The following ZSCAN25 variants were observed in gnomAD, a reference collection of about 807,000 sequenced individuals.
ZSCAN25 encodes zinc finger and SCAN domain-containing protein 25.
ZSCAN25 carries 27 observed loss-of-function variants against 38.7 expected under a neutral mutation model. The ratio of observed to expected loss-of-function variants is 0.70; its 90% CI spans 0.51 to 0.96. The LOEUF (loss-of-function observed/expected upper bound fraction) is 0.96. Ranked by LOEUF, ZSCAN25 falls within the 40% of genes least tolerant of loss-of-function variation. ZSCAN25 has a pLI of 0.00. For synonymous variants in ZSCAN25, 273 were observed against 277.7 expected (o/e 0.98, Z 0.17); for missense variants, 637 against 705.9 (o/e 0.90, Z 1.11).
the ZSCAN25 span, chr7:99,676,142 C>A: frequency 4.3e-6 from 7 of 1,613,670 alleles, no homozygotes; most frequent in East Asian, 2.2e-5. Context: ...CATTTCCCAA[C>A]AAAGGCAGAG....
the ZSCAN25 span, among the ~76,000 whole-genome samples, chr7:99,713,960 C>T: frequency 6.6e-6 from 1 of 152,192 alleles, no homozygotes; most frequent in Non-Finnish European, 1.5e-5. Context: ...GTTACCCCTT[C>T]TTGCCCCCCT....
chr7:99,634,234 A>G (rs543585691), downstream of ZSCAN25, among the ~76,000 whole-genome samples: 1 of 152,348 alleles, frequency 6.6e-6, no homozygotes, highest in South Asian at 2.1e-4. Context: ...TATTTCATCA[A>G]GAAAGTTTGG....
At chr7:99,624,454 T>C in intron 7 of ZSCAN25, 1 of 440,380 alleles carries the variant, frequency 2.3e-6, no homozygotes, top group Non-Finnish European at 4.2e-6. Flanking sequence ...TGTCCATGAT[T>C]AAAGACACTG....
chr7:99,735,003 G>A, the ZSCAN25 span: 1 of 1,613,822 alleles, frequency 6.2e-7, no homozygotes, highest in Non-Finnish European at 8.5e-7. Context: ...CAGAGAAGAG[G>A]AGCCTGAACA....
chr7:99,733,071 G>A, the ZSCAN25 span, among the ~76,000 whole-genome samples: 1 of 152,176 alleles, frequency 6.6e-6, no homozygotes, highest in Admixed American at 6.5e-5. Flanking sequence ...GCATAGCCAG[G>A]CCCAATAGTG....
At chr7:99,705,309 A>C in the ZSCAN25 span, 1 of 625,578 alleles carries the variant, frequency 1.6e-6, no homozygotes, top group East Asian at 3.3e-5. Flanking sequence ...CATCTCCTCT[A>C]TATTACCAAG....
chr7:99,712,650 T>TGATA, the ZSCAN25 span, among the ~76,000 whole-genome samples: 1 of 152,110 alleles, frequency 6.6e-6, no homozygotes, highest in African/African-American at 2.4e-5. Context: ...GATGGACAGA[T>TGATA]GATAGATAGA....
the ZSCAN25 span, among the ~76,000 whole-genome samples, chr7:99,667,400 G>A: frequency 6.6e-6 from 1 of 152,340 alleles, no homozygotes; most frequent in Non-Finnish European, 1.5e-5. Context: ...CCCCAGGAGT[G>A]TGCAGAGTAG....
At chr7:99,714,505 A>C in the ZSCAN25 span, 1 of 1,605,828 alleles carries the variant, frequency 6.2e-7, no homozygotes, top group Admixed American at 1.7e-5. Flanking sequence ...GTATATTTCT[A>C]AAAAATTATG....
the ZSCAN25 span, among the ~76,000 whole-genome samples, chr7:99,684,603 C>T: frequency 1.2e-4 from 19 of 152,302 alleles, no homozygotes; most frequent in East Asian, 3.3e-3. Flanking sequence ...ACAATGATCA[C>T]ATATATTTAC....
the ZSCAN25 span, among the ~76,000 whole-genome samples, chr7:99,642,816 C>T: frequency 6.6e-6 from 1 of 152,190 alleles, no homozygotes; most frequent in East Asian, 1.9e-4. Flanking sequence ...GCTGATATTT[C>T]CCCCACTACC....
chr7:99,676,015 A>G, the ZSCAN25 span: 3 of 999,230 alleles, frequency 3.0e-6, no homozygotes, highest in African/African-American at 4.8e-5. Flanking sequence ...TGAAAATGTG[A>G]AACCTCAGAA....
the ZSCAN25 span, chr7:99,665,041 A>G: frequency 1.1e-6 from 1 of 936,902 alleles, no homozygotes; most frequent in East Asian, 2.7e-5. Flanking sequence ...GGTCATACAT[A>G]TTTTTGATTA....
chr7:99,710,167 T>C, the ZSCAN25 span, among the ~76,000 whole-genome samples: 22 of 152,260 alleles, frequency 1.4e-4, no homozygotes, highest in African/African-American at 5.3e-4. Context: ...TTGGCAGAGG[T>C]CTGAAAACAG....
At chr7:99,686,556 C>T in the ZSCAN25 span, among the ~76,000 whole-genome samples, 1 of 152,244 alleles carries the variant, frequency 6.6e-6, no homozygotes. Context: ...GCCTGCCTGC[C>T]TCTTTAGGCT....
the ZSCAN25 span, chr7:99,666,906 G>C: frequency 6.2e-7 from 1 of 1,606,972 alleles, no homozygotes; most frequent in African/African-American, 1.3e-5. Context: ...CCTGTCCCCA[G>C]ATTCATTCTT....
At chr7:99,714,620 C>G in the ZSCAN25 span, 4 of 1,612,002 alleles carry the variant, frequency 2.5e-6, no homozygotes, top group Non-Finnish European at 1.7e-6. Context: ...AAACTTATAA[C>G]TTTTCTTGGA....
At chr7:99,730,277 T>A in the ZSCAN25 span, among the ~76,000 whole-genome samples, 1 of 152,218 alleles carries the variant, frequency 6.6e-6, no homozygotes, top group African/African-American at 2.4e-5. Context: ...TGATTTTGCA[T>A]GTGATTCTGC....
chr7:99,731,139 T>A, the ZSCAN25 span: 3 of 1,613,778 alleles, frequency 1.9e-6, no homozygotes, highest in Non-Finnish European at 2.5e-6. Context: ...AGTCCATGTG[T>A]ACGGGTTCCA....
Sources: allele counts gnomAD v4.1 joint callset (sites outside exome capture counted in the v4.1 genomes callset), GRCh38; gene constraint gnomAD v4.1.1; transcripts MANE v1.5; gene names NCBI Gene and HGNC (gene_info 2026-07-23, HGNC 2026-07-21).